Variants in NOXRED1 observed in about 807,000 individuals in gnomAD.
NOXRED1 encodes the protein NADP-dependent oxidoreductase domain-containing protein 1.
Under a neutral mutation model 30.4 loss-of-function variants are expected in NOXRED1, and 20 were observed. That is an observed-to-expected ratio of 0.66 (90% CI 0.46 to 0.96). The LOEUF is 0.96. Ranked by LOEUF, NOXRED1 falls within the 40% of genes least tolerant of loss-of-function variation. The pLI is 0.00. For missense variants in NOXRED1, 374 were observed against 428.0 expected (o/e 0.87, Z 1.11); for synonymous variants, 155 against 168.0 (o/e 0.92, Z 0.60).
At chr14:77,404,827 C>A (rs771303828) in intron 5 of NOXRED1, among the ~76,000 whole-genome samples, 3 of 152,006 alleles carry the variant, frequency 2.0e-5, no homozygotes, top group Non-Finnish European at 4.4e-5. Context: ...GAGTTTAAAG[C>A]ATCCAGTGGA....
rs1894479932 is a variant in NOXRED1, at chr14:77,406,794, G to A, written c.612C>T (p.Ala204=). Reference sequence around the variant, plus strand: ...GGAGAGCAGCTATGACTCCCTTATTGGCCCCCCAGACGCTGACAGAATCTT... The same window carrying A: ...GGAGAGCAGCTATGACTCCCTTATTAGCCCCCCAGACGCTGACAGAATCTT... ...YDEDSVSVWG[A]NKGVIAALQD... Residue 204 remains alanine (A), a synonymous_variant, in exon 4 of 6, where the codon GCC becomes GCT. Coordinates refer to ENST00000380835, the MANE Select transcript of NOXRED1 (RefSeq NM_001113475.3). 1 of 1,613,842 alleles carries A rather than the reference G, an allele frequency of 6.2e-7. No homozygotes were observed. The highest frequency in any genetic ancestry group is 8.5e-7 in the Non-Finnish European group (1 of 1,179,786).
intron 1 of NOXRED1, 146 bp from the exon 2 acceptor site, chr14:77,414,273 C>T (rs1813482171): frequency 4.0e-6 from 2 of 501,450 alleles, no homozygotes; most frequent in African/African-American, 4.0e-5. Context: ...GCTCCGCCTC[C>T]CAGGTTCACG....
chr14:77,406,628 CACACACAGAG>C lies in NOXRED1; in HGVS notation c.682+86_682+95del, dbSNP rs777079280. ...ACACACACACACACACACACACACA[CACACACAGAG>C]AGAGAGAGATTGATTTAATAAGATA... On this transcript the variant is annotated intron_variant, in intron 4 of 5. Coordinates refer to ENST00000380835, the MANE Select transcript of NOXRED1 (RefSeq NM_001113475.3). 1,400 of 415,330 alleles carry C rather than the reference CACACACAGAG, an allele frequency of 3.4e-3. 4 individuals carry two copies. The highest frequency in any genetic ancestry group is 0.033 in the African/African-American group (1,008 of 30,696). The allele number at this position is 415,330 out of a possible 1,614,324, so 25.7% of individuals were successfully genotyped here.
chr14:77,414,132 A>G lies in NOXRED1; in HGVS notation c.156-5T>C. 1 of 1,567,950 alleles carries G rather than the reference A, an allele frequency of 6.4e-7. No individual in the cohort carries two copies. The highest frequency in any genetic ancestry group is 8.7e-7 in the Non-Finnish European group (1 of 1,144,482). The stretch of plus-strand genomic sequence containing the variant: ...TGATTCTTATTTAATGATGCTCTGG[A>G]GAATGAACACACAGACACGTACATA... On this transcript the variant is annotated splice_polypyrimidine_tract_variant and splice_region_variant and intron_variant, in intron 1 of 5. Transcript: ENST00000380835.
intron 1 of NOXRED1, 43 bp downstream of exon 1, chr14:77,422,692 T>G: frequency 2.5e-6 from 4 of 1,582,098 alleles, no homozygotes; most frequent in Non-Finnish European, 3.5e-6. Context: ...TTCTCAGCAG[T>G]GAGATTCTTG....
chr14:77,397,108 C>G (rs542416307), intron 5 of NOXRED1, among the ~76,000 whole-genome samples: 13 of 152,306 alleles, frequency 8.5e-5, no homozygotes, highest in African/African-American at 3.1e-4. Context: ...ATGTTCATAA[C>G]ACCCTTATTC....
chr14:77,413,909 C>T lies in NOXRED1; in HGVS notation c.349+25G>A, dbSNP rs767858643. The stretch of plus-strand genomic sequence containing the variant: ...CACCTACACAGCACAACCAAGCCCC[C>T]TTTCTACCACACACTGCTCCTCACC... On this transcript the variant is annotated intron_variant, in intron 2 of 5. Coordinates refer to ENST00000380835, the MANE Select transcript of NOXRED1 (RefSeq NM_001113475.3). The T allele has an allele frequency of 2.6e-6, 4 of 1,530,698 alleles. No homozygotes were observed. The East Asian group carries it at 9.2e-5, about 35-fold the overall frequency. 94.8% of individuals were successfully genotyped at this position (1,530,698 alleles called of 1,614,324 possible). A position where few individuals can be genotyped will look rare whatever the true frequency, so the allele number is the denominator to read the frequency against.
At chr14:77,417,857 T>C (rs555315455) in intron 1 of NOXRED1, among the ~76,000 whole-genome samples, 57 of 152,256 alleles carry the variant, frequency 3.7e-4, no homozygotes, top group Non-Finnish European at 6.8e-4. Context: ...GTTCTTCTTT[T>C]CCTCTCTTGC....
intron 5 of NOXRED1, among the ~76,000 whole-genome samples, chr14:77,403,928 G>A (rs2139671639): frequency 6.6e-6 from 1 of 152,228 alleles, no homozygotes; most frequent in South Asian, 2.1e-4. Context: ...TACTAACCAG[G>A]CCCGACCCTG....
Position 77,394,533 on chromosome 14 carries a change from T to C in NOXRED1, c.*98A>G, listed in dbSNP as rs1894129394. The C allele has an allele frequency of 3.5e-6, 3 of 847,528 alleles. No homozygotes were observed. The African/African-American group carries it at 5.1e-5, about 14-fold the overall frequency. 52.5% of individuals were successfully genotyped at this position (847,528 alleles called of 1,614,324 possible). A position where few individuals can be genotyped will look rare whatever the true frequency, so the allele number is the denominator to read the frequency against. On this transcript the variant is annotated 3_prime_UTR_variant, in exon 6 of 6. Coordinates refer to ENST00000380835, the MANE Select transcript of NOXRED1 (RefSeq NM_001113475.3). ...GATGTCTATCATGTGGCAAACACAATACAGCCACAAGACTCCCACAGTCAA... is the reference window on the plus strand; with the variant it reads ...GATGTCTATCATGTGGCAAACACAACACAGCCACAAGACTCCCACAGTCAA...
intron 5 of NOXRED1, among the ~76,000 whole-genome samples, chr14:77,403,707 C>G (rs1204005084): frequency 5.3e-5 from 8 of 151,966 alleles, no homozygotes; most frequent in African/African-American, 1.5e-4. Flanking sequence ...ACAGGCCCAC[C>G]AAGTGCTCAA....
chr14:77,411,945 T>C (rs1038280942), intron 2 of NOXRED1, among the ~76,000 whole-genome samples: 1 of 151,446 alleles, frequency 6.6e-6, no homozygotes, highest in Admixed American at 6.6e-5. Context: ...TGCAAAAAAA[T>C]TTAGCTGGGT....
intron 2 of NOXRED1, 73 bp from the exon 3 acceptor site, chr14:77,407,718 G>A (rs558986832): frequency 1.0e-6 from 1 of 999,644 alleles, no homozygotes; most frequent in South Asian, 1.4e-5. Context: ...TATGGGGAGA[G>A]GGTGATCATT....
rs377546367 is a variant in NOXRED1, at chr14:77,406,758, C to T, written c.648G>A (p.Thr216=). 2.4e-5 allele frequency: 39 copies of T among 1,614,126 alleles called. No homozygotes were observed. The highest frequency in any genetic ancestry group is 3.2e-5 in the Non-Finnish European group (38 of 1,179,986). The change falls in exon 4 of 6, where the codon ACG becomes ACA. Residue 216 remains threonine (T), a synonymous_variant. Coordinates refer to ENST00000380835, the MANE Select transcript of NOXRED1 (RefSeq NM_001113475.3). ...TGTAGGGACAGGTAGCTTGAAGAAT[C>T]GTAGGATCTTGGAGAGCAGCTATGA... ...KGVIAALQDP[T]ILQATCPYSP...
At chr14:77,425,296 G>A (rs1253570985), upstream of NOXRED1, among the ~76,000 whole-genome samples, 1 of 152,098 alleles carries the variant, frequency 6.6e-6, no homozygotes, top group Non-Finnish European at 1.5e-5. Context: ...AGAAAAGACA[G>A]GCTCTACTCC....
intron 4 of NOXRED1, 142 bp downstream of exon 4, chr14:77,406,581 CT>C: frequency 1.1e-6 from 1 of 901,350 alleles, no homozygotes; most frequent in East Asian, 2.4e-5. Context: ...CCTGCAGTAC[CT>C]TGTGCCTTAC....
rs750328092 is a variant in NOXRED1, at chr14:77,422,704, C to T, written c.155+31G>A. 16 of 1,605,144 alleles carry T rather than the reference C, an allele frequency of 1.0e-5. 1 individual carries two copies. The South Asian group carries it at 1.8e-4, about 18-fold the overall frequency. ...GAATTCTCAGCAGTGAGATTCTTGT[C>T]CATCTTCCTGAATTTGGATACTCGG... On this transcript the variant is annotated intron_variant, in intron 1 of 5. Coordinates refer to ENST00000380835, the MANE Select transcript of NOXRED1 (RefSeq NM_001113475.3).
At chr14:77,403,117 G>A (rs2139670476) in intron 5 of NOXRED1, among the ~76,000 whole-genome samples, 1 of 152,154 alleles carries the variant, frequency 6.6e-6, no homozygotes, top group Non-Finnish European at 1.5e-5. Flanking sequence ...AATCTTAAAG[G>A]AGAGGAGAAA....
In NOXRED1 at chr14:77,406,775, C is replaced by A. The variant is rs1894478963; in HGVS notation, c.631G>T (p.Ala211Ser). Residue 211 changes from alanine (A) to serine (S), a missense_variant, in exon 4 of 6, where the codon GCT (alanine) becomes TCT (serine). Ala to Ser is a moderately conservative substitution (Grantham distance 99). Coordinates refer to ENST00000380835, the MANE Select transcript of NOXRED1 (RefSeq NM_001113475.3). ...TGAAGAATCGTAGGATCTTGGAGAG[C>A]AGCTATGACTCCCTTATTGGCCCCC... ...VWGANKGVIA[A>S]LQDPTILQAT... 1 of 1,613,914 alleles carries A rather than the reference C, an allele frequency of 6.2e-7. No individual in the cohort carries two copies. Among genetic ancestry groups the A allele is most frequent in the Non-Finnish European group, 8.5e-7 (1 of 1,179,918 alleles).
Sources: allele counts gnomAD v4.1 joint callset (sites outside exome capture counted in the v4.1 genomes callset), GRCh38; gene constraint gnomAD v4.1.1; transcripts MANE v1.5; gene names NCBI Gene and HGNC (gene_info 2026-07-23, HGNC 2026-07-21).